The following NEDD9 variants were observed in gnomAD, a reference collection of about 807,000 sequenced individuals.
The protein encoded by NEDD9 is enhancer of filamentation 1.
A neutral mutation model predicts 76.6 loss-of-function variants in NEDD9; 26 were observed. That is an observed-to-expected ratio of 0.34 (90% CI 0.25 to 0.47). NEDD9 has a LOEUF of 0.47. NEDD9 is among the 20% of genes least tolerant of loss of function. The pLI, the probability that NEDD9 is intolerant of heterozygous loss-of-function variation, is 1.00. For missense variants in NEDD9, 937 were observed against 1,058.5 expected (o/e 0.89, Z 1.59); for synonymous variants, 392 against 414.2 (o/e 0.95, Z 0.65).
chr6:11,266,252 C>G (rs540247305), intron 3 of NEDD9, among the ~76,000 whole-genome samples: 9 of 152,072 alleles, frequency 5.9e-5, no homozygotes, highest in Non-Finnish European at 5.9e-5. Context: ...ACCCCTCCCC[C>G]CTCACTTACT....
At chr6:11,268,381 G>T (rs903138792) in intron 3 of NEDD9, among the ~76,000 whole-genome samples, 7 of 151,868 alleles carry the variant, frequency 4.6e-5, no homozygotes, top group African/African-American at 1.7e-4. Context: ...AAGAATGAAA[G>T]AACAGATATA....
rs1758762142 is a variant in NEDD9 at position 11,210,766 on chromosome 6, G to GTAGAGAGAGA, written c.459+2514_459+2515insTCTCTCTCTA. Among the ~76,000 whole-genome samples the GTAGAGAGAGA allele has an allele frequency of 4.1e-5, 5 of 121,854 alleles. No homozygotes were observed. The South Asian group carries it at 1.5e-3, about 36-fold the overall frequency. The allele number at this position is 121,854 out of a possible 152,430, so 79.9% of individuals were successfully genotyped here. A position where few individuals can be genotyped will look rare whatever the true frequency, so the allele number is the denominator to read the frequency against. Reference sequence around the variant, plus strand: ...GAGAGGGAAGGAGGGAGGGATGGGGGGAGAGAGAGAGAGAGAGAGAGAGAG... The same window carrying GTAGAGAGAGA: ...GAGAGGGAAGGAGGGAGGGATGGGGGTAGAGAGAGAGAGAGAGAGAGAGAGAGAGAGAGAG... On this transcript the variant is annotated intron_variant, in intron 2 of 6. Transcript: ENST00000379446.
In NEDD9 at chr6:11,190,687, G is replaced by A; in HGVS notation, c.1182C>T (p.Ala394=). 1 of 1,614,192 alleles carries A rather than the reference G, an allele frequency of 6.2e-7. No individual in the cohort carries two copies. Among genetic ancestry groups the A allele is most frequent in the Non-Finnish European group, 8.5e-7 (1 of 1,180,042 alleles). The change falls in exon 5 of 7, where the codon GCC becomes GCT. Residue 394 remains alanine (A), a synonymous_variant. Coordinates refer to ENST00000379446, the MANE Select transcript of NEDD9 (RefSeq NM_006403.4). This position sits in a 1 kb window ranked among gnomAD's most constrained non-coding sequence, Gnocchi z 5.8. Reference sequence around the variant, plus strand: ...AGAGCCTTTTGTCCTGAGCTGGGGAGGCTGACAGTGAGGACTCCTTGGAGG... The same window carrying A: ...AGAGCCTTTTGTCCTGAGCTGGGGAAGCTGACAGTGAGGACTCCTTGGAGG... ...STSSKESSLS[A]SPAQDKRLFL...
At position 11,190,343 on chromosome 6, in the gene NEDD9, C is replaced by A; in HGVS notation, c.1526G>T (p.Cys509Phe). 6.2e-7 allele frequency: 1 copy of A among 1,614,194 alleles called. No homozygotes were observed. The highest frequency in any genetic ancestry group is 8.5e-7 in the Non-Finnish European group (1 of 1,180,040). Residue 509 changes from cysteine to phenylalanine, a missense_variant, in exon 5 of 7, where the codon TGC becomes TTC. Physicochemically the swap from Cys to Phe is radical, Grantham distance 205. Transcript: ENST00000379446. This position sits in a 1 kb window ranked among gnomAD's most constrained non-coding sequence, Gnocchi z 5.8. ...LSQTSHDLNE[C>F]SWSLNILAIN... ...GGCCAAGATATTCAGGGACCAGCTG[C>A]ACTCATTTAAGTCATGGCTGGTTTG...
chr6:11,334,103 C>A (rs908583069), intron 2 of NEDD9, among the ~76,000 whole-genome samples: 1 of 152,098 alleles, frequency 6.6e-6, no homozygotes, highest in African/African-American at 2.4e-5. Context: ...ATAAATATAG[C>A]ACATCAATCA....
chr6:11,222,631 A>T (rs944709613), intron 1 of NEDD9, among the ~76,000 whole-genome samples: 33 of 152,398 alleles, frequency 2.2e-4, no homozygotes, highest in East Asian at 7.7e-4. Context: ...CCAGCTCTAA[A>T]TGCATGTTCC....
upstream of NEDD9, among the ~76,000 whole-genome samples, chr6:11,236,418 C>A (rs1212324563): frequency 1.3e-5 from 2 of 152,136 alleles, no homozygotes; most frequent in African/African-American, 4.8e-5. This position sits in a 1 kb window ranked among gnomAD's most constrained non-coding sequence, Gnocchi z 5.5. Context: ...GGCATAAATA[C>A]AGCAAAAAAT....
chr6:11,339,490 A>G (rs147378563), intron 1 of NEDD9, among the ~76,000 whole-genome samples: 1 of 152,044 alleles, frequency 6.6e-6, no homozygotes, highest in Non-Finnish European at 1.5e-5. Context: ...ATGAAAACCT[A>G]CTTTTCTCAT....
At chr6:11,283,968 A>G (rs1231467625) in intron 3 of NEDD9, among the ~76,000 whole-genome samples, 1 of 152,208 alleles carries the variant, frequency 6.6e-6, no homozygotes, top group Admixed American at 6.5e-5. Flanking sequence ...TGATCTGGTC[A>G]CTTCTTTACT....
intron 1 of NEDD9, among the ~76,000 whole-genome samples, chr6:11,221,567 C>G (rs531291233): frequency 6.6e-6 from 1 of 152,034 alleles, no homozygotes; most frequent in African/African-American, 2.4e-5. Context: ...CTCAGATTAG[C>G]GGCAGAGCCA....
chr6:11,205,548 T>G (rs1042120428), intron 2 of NEDD9, among the ~76,000 whole-genome samples: 2 of 152,094 alleles, frequency 1.3e-5, no homozygotes, highest in African/African-American at 4.8e-5. Flanking sequence ...CTTCTTTGCT[T>G]CAAAAAACTG....
chr6:11,324,684 C>T (rs577219448), intron 2 of NEDD9, among the ~76,000 whole-genome samples: 5 of 152,314 alleles, frequency 3.3e-5, no homozygotes, highest in South Asian at 4.1e-4. Flanking sequence ...ATGGAGCATT[C>T]GCCATGAACT....
intron 1 of NEDD9, among the ~76,000 whole-genome samples, chr6:11,337,570 T>C (rs886464229): frequency 6.6e-6 from 1 of 152,228 alleles, no homozygotes; most frequent in Non-Finnish European, 1.5e-5. Flanking sequence ...CGGTCCTATA[T>C]ACGGTCTGTT....
intron 2 of NEDD9, among the ~76,000 whole-genome samples, chr6:11,323,026 G>A (rs1761844945): frequency 6.7e-6 from 1 of 149,650 alleles, no homozygotes; most frequent in South Asian, 2.1e-4. Flanking sequence ...ACGCTGTTAT[G>A]TTATAGGAGT....
At chr6:11,283,567 A>G (rs1440446234) in intron 3 of NEDD9, among the ~76,000 whole-genome samples, 3 of 152,286 alleles carry the variant, frequency 2.0e-5, no homozygotes, top group African/African-American at 7.2e-5. Flanking sequence ...CACCACATGG[A>G]TGATGACCTC....
chr6:11,285,214 T>A (rs1428294678), intron 3 of NEDD9, among the ~76,000 whole-genome samples: 1 of 152,218 alleles, frequency 6.6e-6, no homozygotes, highest in Non-Finnish European at 1.5e-5. Flanking sequence ...GGGAAATTGA[T>A]CATTTTCCTG....
At chr6:11,372,042 G>A (rs373405356) in intron 1 of NEDD9, among the ~76,000 whole-genome samples, 3 of 151,850 alleles carry the variant, frequency 2.0e-5, no homozygotes, top group East Asian at 3.9e-4. Context: ...TTTCGACTAC[G>A]GTCATCCTGT....
chr6:11,348,240 T>C (rs1762400345), intron 1 of NEDD9, among the ~76,000 whole-genome samples: 1 of 152,174 alleles, frequency 6.6e-6, no homozygotes, highest in African/African-American at 2.4e-5. Context: ...GAAAGATCTC[T>C]GCAATGAGAA....
At chr6:11,281,542 C>T (rs1326225966) in intron 3 of NEDD9, among the ~76,000 whole-genome samples, 1 of 152,122 alleles carries the variant, frequency 6.6e-6, no homozygotes, top group East Asian at 1.9e-4. Flanking sequence ...TTTTTAGAGA[C>T]AGGGTCTCCC....
Sources: gnomAD v4.1 joint callset for allele counts (sites outside exome capture counted in the v4.1 genomes callset) on GRCh38, gnomAD v4.1.1 for gene constraint, Gnocchi (gnomAD v3.1) non-coding constraint, MANE v1.5 for transcripts, NCBI Gene and HGNC (gene_info 2026-07-23, HGNC 2026-07-21) for gene names.